The following PDE7A variants were observed in gnomAD, a reference collection of about 807,000 sequenced individuals.
PDE7A encodes high affinity 3',5'-cyclic-AMP phosphodiesterase 7A.
PDE7A carries 39 observed loss-of-function variants against 64.3 expected under a neutral mutation model. That is an observed-to-expected ratio of 0.61 (90% CI 0.47 to 0.79). The LOEUF is 0.79. Ranked by LOEUF, PDE7A falls within the 30% of genes least tolerant of loss-of-function variation. PDE7A has a pLI of 0.00. For missense variants in PDE7A, 470 were observed against 582.8 expected (o/e 0.81, Z 1.99); for synonymous variants, 203 against 206.8 (o/e 0.98, Z 0.16).
At chr8:65,732,199 A>G (rs1328178294) in intron 7 of PDE7A, among the ~76,000 whole-genome samples, 1 of 151,754 alleles carries the variant, frequency 6.6e-6, no homozygotes, top group Admixed American at 6.6e-5. Context: ...GGGTTTCACC[A>G]TGTTGGCCAG....
chr8:65,772,584 C>T (rs759238040), intron 3 of PDE7A, among the ~76,000 whole-genome samples: 27 of 152,202 alleles, frequency 1.8e-4, no homozygotes, highest in Non-Finnish European at 3.4e-4. Context: ...TCAACTAGTG[C>T]AAGGGAGAAA....
chr8:65,800,496 G>T (rs1262602112), intron 1 of PDE7A, among the ~76,000 whole-genome samples: 1 of 152,196 alleles, frequency 6.6e-6, no homozygotes, highest in Non-Finnish European at 1.5e-5. Flanking sequence ...TCACCCCTGT[G>T]TTTAAAAATC....
intron 3 of PDE7A, among the ~76,000 whole-genome samples, chr8:65,775,029 A>G (rs143840816): frequency 8.6e-4 from 131 of 152,360 alleles, no homozygotes; most frequent in African/African-American, 1.9e-3. Context: ...GTTCTGATAA[A>G]CTGTAATTTT....
chr8:65,755,859 G>A (rs1808214415), intron 3 of PDE7A, among the ~76,000 whole-genome samples: 1 of 152,190 alleles, frequency 6.6e-6, no homozygotes, highest in African/African-American at 2.4e-5. Flanking sequence ...CTGAGCTCAA[G>A]AGATCTTCTT....
chr8:65,759,055 C>T (rs1245295899), intron 3 of PDE7A, among the ~76,000 whole-genome samples: 2 of 152,198 alleles, frequency 1.3e-5, no homozygotes, highest in Non-Finnish European at 2.9e-5. Context: ...GCTGCAGTAC[C>T]CCCAGATCCA....
At chr8:65,765,886 G>C (rs1808758525) in intron 3 of PDE7A, among the ~76,000 whole-genome samples, 3 of 152,194 alleles carry the variant, frequency 2.0e-5, no homozygotes, top group Admixed American at 2.0e-4. Flanking sequence ...AAAATAATGT[G>C]TAACTAAAGA....
At chr8:65,817,960 G>C (rs1343702787) in intron 1 of PDE7A, among the ~76,000 whole-genome samples, 1 of 152,016 alleles carries the variant, frequency 6.6e-6, no homozygotes, top group Non-Finnish European at 1.5e-5. Flanking sequence ...CACCGTGTTA[G>C]CCAAGATGGT....
At chr8:65,822,207 G>A (rs1368957066) in intron 1 of PDE7A, among the ~76,000 whole-genome samples, 1 of 152,180 alleles carries the variant, frequency 6.6e-6, no homozygotes, top group African/African-American at 2.4e-5. Context: ...CTGGAAACCT[G>A]CCCCCTCATT....
rs1810362858 is a variant in PDE7A at position 65,815,046 on chromosome 8, A to C, written c.138+26325T>G. Among the ~76,000 whole-genome samples, 3 of 151,948 alleles carry C rather than the reference A, an allele frequency of 2.0e-5. No individual in the cohort carries two copies. The South Asian group carries it at 6.2e-4, about 32-fold the overall frequency. ...CAGTGAGCTGAGATTGCGCCACTGT[A>C]CTTCAGGCTGTGTGACAGAGTGAGA... On this transcript the variant is annotated intron_variant, in intron 1 of 12. Transcript: ENST00000401827.
At chr8:65,804,540 C>CTTTTTTTTTT (rs762379703) in intron 1 of PDE7A, among the ~76,000 whole-genome samples, 1 of 113,046 alleles carries the variant, frequency 8.8e-6, no homozygotes, top group African/African-American at 3.1e-5. Context: ...CATTTTGTTG[C>CTTTTTTTTTT]TTTTTTTTTT....
At chr8:65,814,973 C>T (rs1379003752) in intron 1 of PDE7A, among the ~76,000 whole-genome samples, 2 of 151,418 alleles carry the variant, frequency 1.3e-5, no homozygotes, top group African/African-American at 2.4e-5. Context: ...CCCAGCTACT[C>T]GGGAGGCTGA....
rs1183976690 is a variant in PDE7A, at chr8:65,718,134, A to AG, written c.*1155_*1156insC. On this transcript the variant is annotated 3_prime_UTR_variant, in exon 13 of 13. Coordinates refer to ENST00000401827, the MANE Select transcript of PDE7A (RefSeq NM_001242318.3). ...GTGCATAGTTTAAGGCAACTGGAGC[A>AG]ATCTGTTACAGCTTACCTACCAACC... The AG allele has an allele frequency of 6.6e-6, 1 of 152,256 alleles. No individual in the cohort carries two copies. Among genetic ancestry groups the AG allele is most frequent in the Non-Finnish European group, 1.5e-5 (1 of 68,036 alleles). The allele number at this position is 152,256 out of a possible 1,614,324, so 9.4% of individuals were successfully genotyped here.
At chr8:65,722,301 TTC>T (rs1806416396) in intron 12 of PDE7A, 1 of 152,264 alleles carries the variant, frequency 6.6e-6, no homozygotes, top group African/African-American at 2.4e-5. Flanking sequence ...CGCTCTTCCC[TTC>T]TCTACCTGTC....
intron 5 of PDE7A, among the ~76,000 whole-genome samples, chr8:65,740,430 C>T (rs1360655091): frequency 6.6e-6 from 1 of 151,884 alleles, no homozygotes; most frequent in African/African-American, 2.4e-5. Context: ...AGATGGAGTC[C>T]AGCACTGTCA....
intron 1 of PDE7A, among the ~76,000 whole-genome samples, chr8:65,820,019 A>G (rs781779173): frequency 3.3e-5 from 5 of 152,254 alleles, no homozygotes; most frequent in Non-Finnish European, 5.9e-5. Flanking sequence ...GCAGAATAGA[A>G]TATCTCCAAC....
intron 3 of PDE7A, among the ~76,000 whole-genome samples, chr8:65,753,832 T>C (rs1808085549): frequency 6.6e-6 from 1 of 152,234 alleles, no homozygotes; most frequent in South Asian, 2.1e-4. Flanking sequence ...CATTATTATA[T>C]CTTCCTGCTG....
At position 65,841,551 on chromosome 8, in the gene PDE7A, CGGCCGCCGGCCCCTGCAGT is replaced by C; in HGVS notation, c.-62_-44del. 7.5e-7 allele frequency: 1 copy of C among 1,332,966 alleles called. No individual in the cohort carries two copies. The highest frequency in any genetic ancestry group is 9.7e-7 in the Non-Finnish European group (1 of 1,030,030). 82.6% of individuals were successfully genotyped at this position (1,332,966 alleles called of 1,614,324 possible). Reference sequence around the variant, plus strand: ...CCTCCGCGCGGCGCCCGCCCTGCCGCGGCCGCCGGCCCCTGCAGTGGGAGGGGGCCGCGGCTCGGGGGCT... The same window carrying C: ...CCTCCGCGCGGCGCCCGCCCTGCCGCGGGAGGGGGCCGCGGCTCGGGGGCT... On this transcript the variant is annotated 5_prime_UTR_variant, in exon 1 of 13. Coordinates refer to ENST00000401827, the MANE Select transcript of PDE7A (RefSeq NM_001242318.3).
At chr8:65,747,449 T>G (rs1295549343) in intron 4 of PDE7A, among the ~76,000 whole-genome samples, 1 of 152,196 alleles carries the variant, frequency 6.6e-6, no homozygotes, top group Non-Finnish European at 1.5e-5. Flanking sequence ...TGTCACTACT[T>G]TAGTTATTTC....
Position 65,716,404 on chromosome 8 carries a change from C to T in PDE7A, c.*2886G>A, listed in dbSNP as rs1016118443. Among the ~76,000 whole-genome samples the T allele has an allele frequency of 1.3e-5, 2 of 152,064 alleles. No homozygotes were observed. The highest frequency in any genetic ancestry group is 1.3e-4 in the Admixed American group (2 of 15,258). The stretch of plus-strand genomic sequence containing the variant: ...ACTGAAACAAGGCTTGAGGTAATGA[C>T]GTTATTTAATGCATGTGCCAATCAG... On this transcript the variant is annotated 3_prime_UTR_variant, in exon 13 of 13. Transcript: ENST00000401827.
Sources: gnomAD v4.1 joint callset for allele counts (sites outside exome capture counted in the v4.1 genomes callset) on GRCh38, gnomAD v4.1.1 for gene constraint, MANE v1.5 for transcripts, NCBI Gene and HGNC (gene_info 2026-07-23, HGNC 2026-07-21) for gene names.